The following HRH1 variants were observed in gnomAD, a reference collection of about 807,000 sequenced individuals.
The protein encoded by HRH1 is histamine receptor H1.
A neutral mutation model predicts 10.3 loss-of-function variants in HRH1; 6 were observed. The ratio of observed to expected loss-of-function variants is 0.58; its 90% CI spans 0.32 to 1.15. HRH1 has a LOEUF of 1.15. Ranked by LOEUF, HRH1 falls within the 50% of genes most tolerant of loss-of-function variation. HRH1 has a pLI of 0.05. For synonymous variants in HRH1, 242 were observed against 236.7 expected (o/e 1.02, Z -0.21); for missense variants, 514 against 615.3 (o/e 0.84, Z 1.74).
At chr3:11,234,565 T>C in intron 1 of HRH1, 1 of 1,429,276 alleles carries the variant, frequency 7.0e-7, no homozygotes, top group African/African-American at 1.4e-5. Flanking sequence ...CAATCCATGC[T>C]CCTCGTATGG....
intron 1 of HRH1, among the ~76,000 whole-genome samples, chr3:11,225,280 G>T (rs933182046): frequency 9.9e-5 from 15 of 152,068 alleles, no homozygotes; most frequent in African/African-American, 3.6e-4. Context: ...TTGCCTAATC[G>T]CTTGGCTTCT....
At chr3:11,219,777 A>G (rs528479108) in intron 1 of HRH1, among the ~76,000 whole-genome samples, 9 of 151,484 alleles carry the variant, frequency 5.9e-5, no homozygotes, top group Admixed American at 4.6e-4. Context: ...CAATCAATGC[A>G]CTGGTATCTG....
Position 11,180,701 on chromosome 3 carries a change from A to G in HRH1, c.-36+26147A>G, listed in dbSNP as rs190952476. On this transcript the variant is annotated intron_variant, in intron 1 of 1. Coordinates refer to ENST00000431010, the MANE Select transcript of HRH1 (RefSeq NM_001098212.2). ...GGACATTTCATACAAATGGAATCCT[A>G]CAATATGTAATGTCTGTGAGTGGTT... 3.3e-5 allele frequency among the ~76,000 whole-genome samples: 5 copies of G among 152,284 alleles called. No individual in the cohort carries two copies. The East Asian group carries it at 9.7e-4, about 29-fold the overall frequency.
At position 11,237,664 on chromosome 3, in the gene HRH1, C is replaced by CTTT. The variant is rs376450222; in HGVS notation, c.-35-21312_-35-21310dup. 9.6e-4 allele frequency among the ~76,000 whole-genome samples: 80 copies of CTTT among 83,100 alleles called. 5 individuals carry two copies. The highest frequency in any genetic ancestry group is 2.4e-3 in the African/African-American group (50 of 20,744). The allele number at this position is 83,100 out of a possible 152,430, so 54.5% of individuals were successfully genotyped here. A position where few individuals can be genotyped will look rare whatever the true frequency, so the allele number is the denominator to read the frequency against. On this transcript the variant is annotated intron_variant, in intron 1 of 1. Transcript: ENST00000431010. Reference sequence around the variant, plus strand: ...AAATATTTCTTTTCTTTTTCTTTTCCTTTTTTTTTTTTTTTTTTTTTTTTT... The same window carrying CTTT: ...AAATATTTCTTTTCTTTTTCTTTTCCTTTTTTTTTTTTTTTTTTTTTTTTTTTT...
intron 1 of HRH1, among the ~76,000 whole-genome samples, chr3:11,173,799 A>G (rs1937199189): frequency 6.6e-6 from 1 of 152,106 alleles, no homozygotes; most frequent in Non-Finnish European, 1.5e-5. Flanking sequence ...TTACAGAAAT[A>G]CTGATTTTGT....
intron 1 of HRH1, among the ~76,000 whole-genome samples, chr3:11,218,887 CTTAT>C (rs947471939): frequency 2.0e-5 from 3 of 149,776 alleles, no homozygotes; most frequent in African/African-American, 2.5e-5. Context: ...TGTTTATTTA[CTTAT>C]TTATTTATTT....
At chr3:11,180,317 C>T (rs73117679) in intron 1 of HRH1, among the ~76,000 whole-genome samples, 10,057 of 152,144 alleles carry the variant, frequency 0.066, 524 homozygotes, top group East Asian at 0.15. Context: ...AATTTTTCCA[C>T]GGACGGGGGT....
intron 1 of HRH1, among the ~76,000 whole-genome samples, chr3:11,199,370 C>T (rs1441395676): frequency 6.6e-6 from 1 of 152,112 alleles, no homozygotes; most frequent in Non-Finnish European, 1.5e-5. Context: ...GCCTTATTTG[C>T]CCTCACCTCA....
intron 1 of HRH1, among the ~76,000 whole-genome samples, chr3:11,217,528 C>CA (rs1049251687): frequency 6.7e-5 from 10 of 148,796 alleles, no homozygotes; most frequent in East Asian, 2.0e-4. Context: ...GACTTGGTCT[C>CA]AAAAAAAAAG....
At chr3:11,144,429 A>ATATATACG (rs1936370032) in intron 1 of HRH1, among the ~76,000 whole-genome samples, 1 of 44,368 alleles carries the variant, frequency 2.3e-5, no homozygotes, top group East Asian at 5.9e-4. Flanking sequence ...GTATATATAC[A>ATATATACG]TATAGACATA....
At chr3:11,208,055 C>T (rs1264101742) in intron 1 of HRH1, among the ~76,000 whole-genome samples, 1 of 152,202 alleles carries the variant, frequency 6.6e-6, no homozygotes, top group Admixed American at 6.5e-5. Flanking sequence ...CAAACTTTCA[C>T]ACTCCCCTTT....
chr3:11,143,955 A>G (rs145355828), intron 1 of HRH1, among the ~76,000 whole-genome samples: 11 of 152,338 alleles, frequency 7.2e-5, no homozygotes, highest in Non-Finnish European at 1.3e-4. Flanking sequence ...AAAAATGCTT[A>G]ACATCACTAA....
intron 1 of HRH1, among the ~76,000 whole-genome samples, chr3:11,204,017 T>A (rs1020593153): frequency 6.6e-6 from 1 of 152,232 alleles, no homozygotes; most frequent in Non-Finnish European, 1.5e-5. Context: ...CTTCTAACTT[T>A]TCCTTAATTG....
intron 1 of HRH1, among the ~76,000 whole-genome samples, chr3:11,228,703 G>A (rs568126622): frequency 1.3e-5 from 2 of 152,048 alleles, no homozygotes; most frequent in African/African-American, 2.4e-5. Context: ...GATCACCTGA[G>A]GAGTTTGAGA....
At chr3:11,165,280 C>T (rs11929549) in intron 1 of HRH1, among the ~76,000 whole-genome samples, 43,545 of 152,064 alleles carry the variant, frequency 0.29, 8,748 homozygotes, top group African/African-American at 0.57. Context: ...TCTCATTCTC[C>T]GCTTGGTATC....
chr3:11,252,055 A>AGG (rs1491241261), intron 1 of HRH1, among the ~76,000 whole-genome samples: 1 of 152,216 alleles, frequency 6.6e-6, no homozygotes, highest in African/African-American at 2.4e-5. Flanking sequence ...AAGCTAGGAC[A>AGG]GGGGCAGTTA....
intron 1 of HRH1, among the ~76,000 whole-genome samples, chr3:11,242,200 G>T (rs980132408): frequency 1.3e-5 from 2 of 151,998 alleles, no homozygotes; most frequent in African/African-American, 4.8e-5. Context: ...TCTAACACTT[G>T]GCCGGGTGCG....
At chr3:11,153,995 G>T (rs114758594), upstream of HRH1, among the ~76,000 whole-genome samples, 517 of 152,214 alleles carry the variant, frequency 3.4e-3, 1 homozygote, top group African/African-American at 0.012. Context: ...GGCGCCCCTA[G>T]CAGGAATGAG....
chr3:11,240,458 C>T (rs79158382), intron 1 of HRH1, among the ~76,000 whole-genome samples: 4,923 of 152,010 alleles, frequency 0.032, 93 homozygotes, highest in Middle Eastern at 0.051. Context: ...ACAGGCTCTC[C>T]AGGTTGCCCC....
Sources: gnomAD v4.1 joint callset for allele counts (sites outside exome capture counted in the v4.1 genomes callset) on GRCh38, gnomAD v4.1.1 for gene constraint, MANE v1.5 for transcripts, NCBI Gene and HGNC (gene_info 2026-07-23, HGNC 2026-07-21) for gene names.